The following EEF2 variants were observed in gnomAD, a reference collection of about 807,000 sequenced individuals.
EEF2 encodes eukaryotic translation elongation factor 2, also known as elongation factor 2.
Under a neutral mutation model 85.3 loss-of-function variants are expected in EEF2, and 21 were observed. That is an observed-to-expected ratio of 0.25 (90% CI 0.17 to 0.35). The LOEUF is 0.35. Among genes scored for constraint, EEF2 ranks in the 10% least tolerant of loss-of-function variants. EEF2 has a pLI of 1.00. For missense variants in EEF2, 825 were observed against 1,225.3 expected, an observed-to-expected ratio of 0.67 and a Z score of 4.88; for synonymous variants, 723 against 508.8, an observed-to-expected ratio of 1.42 and a Z score of -5.67.
At position 3,977,994 on chromosome 19, in the gene EEF2, C is replaced by T. The variant is rs201976284; in HGVS notation, c.1892G>A (p.Arg631Gln). 2.5e-6 allele frequency: 4 copies of T among 1,612,512 alleles called. No homozygotes were observed. The highest frequency in any genetic ancestry group is 2.2e-5 in the East Asian group (1 of 44,822). The change falls in exon 12 of 15, where the codon CGG becomes CAG. Residue 631 changes from arginine (R) to glutamine (Q), a missense_variant. Arg to Gln is a conservative substitution (Grantham distance 43). Coordinates refer to ENST00000309311, the MANE Select transcript of EEF2 (RefSeq NM_001961.4). The surrounding 1 kb of genome is among the most constrained non-coding windows in gnomAD (Gnocchi z 5.4). ...GTACTTCTCGGCCAGGTAGCGCGCC[C>T]GCTGCTTGAGCTCCTGACGGGCGGA... ...EVSARQELKQ[R>Q]ARYLAEKYEW... is the part of the protein sequence containing the mutation.
At chr19:3,982,572 TA>T (rs1172742744) in intron 4 of EEF2, 148 bp from the exon 5 acceptor site, 62 of 1,176,144 alleles carry the variant, frequency 5.3e-5, no homozygotes, top group Middle Eastern at 1.9e-4. Flanking sequence ...TCATCACGAA[TA>T]GGGGGGCCAG....
At position 3,981,420 on chromosome 19, in the gene EEF2, C is replaced by T. The variant is rs746522609; in HGVS notation, c.930G>A (p.Glu310=). 3 of 1,614,118 alleles carry T rather than the reference C, an allele frequency of 1.9e-6. No homozygotes were observed. Among genetic ancestry groups the T allele is most frequent in the East Asian group, 2.2e-5 (1 of 44,900 alleles). The stretch of plus-strand genomic sequence containing the variant: ...GTTTCTCTATCAGTTTTGCTGTCTC[C>T]TCTTTCTTGAAATTCATGATCGCAT... The part of the protein sequence containing the change: ...VFDAIMNFKK[E]ETAKLIEKLD... The change falls in exon 7 of 15, where the codon GAG becomes GAA. Residue 310 remains glutamate (E), a synonymous_variant. Coordinates refer to ENST00000309311, the MANE Select transcript of EEF2 (RefSeq NM_001961.4).
Position 3,977,623 on chromosome 19 carries a change from G to C in EEF2, c.2068-13C>G. The C allele has an allele frequency of 1.3e-6, 2 of 1,503,794 alleles. No individual in the cohort carries two copies. 93.2% of individuals were successfully genotyped at this position (1,503,794 alleles called of 1,614,324 possible). A position where few individuals can be genotyped will look rare whatever the true frequency, so the allele number is the denominator to read the frequency against. On this transcript the variant is annotated splice_polypyrimidine_tract_variant and intron_variant, in intron 12 of 14. Coordinates refer to ENST00000309311, the MANE Select transcript of EEF2 (RefSeq NM_001961.4). The surrounding 1 kb of genome is among the most constrained non-coding windows in gnomAD (Gnocchi z 5.4). ...CACACAGTGCGCCCTGGGGGAGGGG[G>C]AGAGCCACCGTCAAGGGCCGGACAC... is the stretch of plus-strand genomic sequence containing the variant.
At position 3,982,579 on chromosome 19, in the gene EEF2, G is replaced by GT. The variant is rs1568202045; in HGVS notation, c.613-156_613-155insA. On this transcript the variant is annotated intron_variant, in intron 4 of 14. Transcript: ENST00000309311. ...ATGATCAGTCATCACGAATAGGGGGGCCAGCCCCTCCACCACCCAGGGCAG... is the reference window on the plus strand; with the variant it reads ...ATGATCAGTCATCACGAATAGGGGGGTCCAGCCCCTCCACCACCCAGGGCAG... 5.3e-6 allele frequency: 6 copies of GT among 1,129,584 alleles called. No individual in the cohort carries two copies. In the South Asian group the frequency reaches 6.4e-5, roughly 12 times the overall value. 70.0% of individuals were successfully genotyped at this position (1,129,584 alleles called of 1,614,324 possible).
intron 10 of EEF2, 51 bp from the exon 11 acceptor site, chr19:3,979,487 G>T: frequency 2.0e-6 from 3 of 1,495,102 alleles, no homozygotes; most frequent in East Asian, 2.3e-5. Flanking sequence ...CGGAACAGGC[G>T]GGACCAGGCT....
intron 4 of EEF2, 150 bp downstream of exon 4, chr19:3,982,657 G>T: frequency 8.9e-7 from 1 of 1,122,086 alleles, no homozygotes; most frequent in Non-Finnish European, 1.3e-6. Context: ...GCTGGGTCAA[G>T]TCGGATGAAA....
In EEF2 at chr19:3,977,779, G is replaced by C. The variant is rs1568198783; in HGVS notation, c.2067+40C>G. 6.5e-7 allele frequency: 1 copy of C among 1,529,956 alleles called. No individual in the cohort carries two copies. Among genetic ancestry groups the C allele is most frequent in the Non-Finnish European group, 8.8e-7 (1 of 1,136,528 alleles). The allele number at this position is 1,529,956 out of a possible 1,614,324, so 94.8% of individuals were successfully genotyped here. ...GGACCATGAGGTCCCTCTAGAGCCT[G>C]GAAACGGGTGTGGTCTGCACATGCT... On this transcript the variant is annotated intron_variant, in intron 12 of 14. Coordinates refer to ENST00000309311, the MANE Select transcript of EEF2 (RefSeq NM_001961.4). The surrounding 1 kb of genome is among the most constrained non-coding windows in gnomAD (Gnocchi z 5.4).
chr19:3,978,760 G>A (rs1036318877), intron 11 of EEF2, among the ~76,000 whole-genome samples: 16 of 127,918 alleles, frequency 1.3e-4, no homozygotes, highest in Non-Finnish European at 2.0e-4. Context: ...CCAAGATCAC[G>A]CCATTGCACT....
chr19:3,980,436 G>T, intron 9 of EEF2, 78 bp downstream of exon 9: 1 of 1,496,310 alleles, frequency 6.7e-7, no homozygotes, highest in South Asian at 1.3e-5. Context: ...TCTAGCTCCC[G>T]ACTGAGGAGC....
Position 3,977,584 on chromosome 19 carries a change from C to T in EEF2, c.2094G>A (p.Arg698=), listed in dbSNP as rs1277563207. ...CGTCGTGGACGTCGAAGCGCACACC[C>T]CGCATGTTCTCCTCACACAGTGCGC... ...KEGALCEENM[R]GVRFDVHDVT... The change falls in exon 13 of 15, where the codon CGG becomes CGA. Residue 698 remains arginine (R), a synonymous_variant. Coordinates refer to ENST00000309311, the MANE Select transcript of EEF2 (RefSeq NM_001961.4). This position sits in a 1 kb window ranked among gnomAD's most constrained non-coding sequence, Gnocchi z 5.4. 1 of 1,551,136 alleles carries T rather than the reference C, an allele frequency of 6.4e-7. No individual in the cohort carries two copies. The highest frequency in any genetic ancestry group is 1.2e-5 in the South Asian group (1 of 82,796).
At position 3,984,322 on chromosome 19, in the gene EEF2, G is replaced by C; in HGVS notation, c.32C>G (p.Ala11Gly). Residue 11 changes from alanine to glycine, a missense_variant, in exon 2 of 15, where the codon GCC becomes GGC. By Grantham distance (60) the Ala-to-Gly change is moderately conservative. Transcript: ENST00000309311. ...GATGTTGGCCTTCTTGTCCATGATG[G>C]CGCGGATCTGGTCTACCGTGAAGTT... MVNFTVDQIR[A>G]IMDKKANIRN... The C allele has an allele frequency of 6.2e-7, 1 of 1,614,206 alleles. No homozygotes were observed. Among genetic ancestry groups the C allele is most frequent in the East Asian group, 2.2e-5 (1 of 44,878 alleles).
chr19:3,981,065 G>T (rs2039740038), intron 7 of EEF2, 86 bp from the exon 8 acceptor site: 6 of 1,495,416 alleles, frequency 4.0e-6, no homozygotes, highest in African/African-American at 1.4e-5. Flanking sequence ...TGAAGCCAAG[G>T]AAGCCAAAGT....
chr19:3,977,513 A>G lies in EEF2; in HGVS notation c.2165T>C (p.Ile722Thr). 6.3e-7 allele frequency: 1 copy of G among 1,591,772 alleles called. No homozygotes were observed. Among genetic ancestry groups the G allele is most frequent in the Non-Finnish European group, 8.5e-7 (1 of 1,174,746 alleles). Residue 722 changes from isoleucine to threonine, a missense_variant, in exon 13 of 15, where the codon ATC (isoleucine) becomes ACC (threonine). Physicochemically the swap from Ile to Thr is moderately conservative, Grantham distance 89. Coordinates refer to ENST00000309311, the MANE Select transcript of EEF2 (RefSeq NM_001961.4). The surrounding 1 kb of genome is among the most constrained non-coding windows in gnomAD (Gnocchi z 5.4). Reference protein sequence around the residue: ...DAIHRGGGQIIPTARRCLYAS... With the variant: ...DAIHRGGGQITPTARRCLYAS... The stretch of plus-strand genomic sequence containing the variant: ...ATAGAGGCAGCGCCGTGCTGTGGGG[A>G]TGATCTGGCCCCCTCCGCGGTGGAT...
chr19:3,978,110 G>A lies in EEF2; in HGVS notation c.1776C>T (p.Leu592=), dbSNP rs1599191271. Residue 592 remains leucine (L), a synonymous_variant, in exon 12 of 15, where the codon CTC becomes CTT. Coordinates refer to ENST00000309311, the MANE Select transcript of EEF2 (RefSeq NM_001961.4). ...GGTTGTGCTTGTTGGGGGACTTGGA[G>A]AGGCAGAGCACGTTCGACTCTTCAC... ...TVSEESNVLC[L]SKSPNKHNRL... 2.6e-6 allele frequency: 4 copies of A among 1,521,988 alleles called. No homozygotes were observed. Among genetic ancestry groups the A allele is most frequent in the Admixed American group, 2.0e-5 (1 of 50,284 alleles). The allele number at this position is 1,521,988 out of a possible 1,614,324, so 94.3% of individuals were successfully genotyped here. A position where few individuals can be genotyped will look rare whatever the true frequency, so the allele number is the denominator to read the frequency against.
intron 9 of EEF2, among the ~76,000 whole-genome samples, 162 bp from the exon 10 acceptor site, chr19:3,980,228 A>T (rs1454552236): frequency 6.6e-6 from 1 of 152,176 alleles, no homozygotes; most frequent in African/African-American, 2.4e-5. Context: ...CTGTCAGGAA[A>T]CATCCTCTTC....
Position 3,979,447 on chromosome 19 carries a change from T to A in EEF2, c.1606-11A>T. The A allele has an allele frequency of 6.2e-7, 1 of 1,611,522 alleles. No individual in the cohort carries two copies. The highest frequency in any genetic ancestry group is 8.5e-7 in the Non-Finnish European group (1 of 1,179,078). On this transcript the variant is annotated splice_polypyrimidine_tract_variant and intron_variant, in intron 10 of 14. Transcript: ENST00000309311. ...CTCCTCGATGATGCACTGAAAGGGATGCGGGTCAGCACCAAAGGGGTAGGC... is the reference window on the plus strand; with the variant it reads ...CTCCTCGATGATGCACTGAAAGGGAAGCGGGTCAGCACCAAAGGGGTAGGC...
At chr19:3,978,636 T>C (rs2039705952) in intron 11 of EEF2, among the ~76,000 whole-genome samples, 1 of 145,380 alleles carries the variant, frequency 6.9e-6, no homozygotes, top group South Asian at 2.2e-4. Context: ...AAACCCCGTC[T>C]CTACTAAAAA....
rs916658284 is a variant in EEF2, at chr19:3,983,011, G to A, written c.408C>T (p.Cys136=). 4.3e-6 allele frequency: 7 copies of A among 1,612,516 alleles called. No homozygotes were observed. Among genetic ancestry groups the A allele is most frequent in the East Asian group, 2.2e-5 (1 of 44,874 alleles). ...GCCGCAGCACTGTCTCCGTCTGCAC[G>A]CACACGCCTGGGGACACGGGGGACA... ...LVVVDCVSGV[C]VQTETVLRQA... The change falls in exon 4 of 15, where the codon TGC becomes TGT. Residue 136 remains cysteine, a synonymous_variant. Coordinates refer to ENST00000309311, the MANE Select transcript of EEF2 (RefSeq NM_001961.4).
At chr19:3,978,219 C>T in intron 11 of EEF2, 47 bp from the exon 12 acceptor site, 1 of 1,412,110 alleles carries the variant, frequency 7.1e-7, no homozygotes, top group Non-Finnish European at 9.3e-7. Flanking sequence ...AAAGAGGTGA[C>T]CTTACACACA....
Sources: gnomAD v4.1 joint callset for allele counts (sites outside exome capture counted in the v4.1 genomes callset) on GRCh38, gnomAD v4.1.1 for gene constraint, Gnocchi (gnomAD v3.1) non-coding constraint, MANE v1.5 for transcripts, NCBI Gene and HGNC (gene_info 2026-07-23, HGNC 2026-07-21) for gene names.